The following SLC4A5 variants were observed in gnomAD, a reference collection of about 807,000 sequenced individuals.
SLC4A5 encodes solute carrier family 4 member 5.
In SLC4A5, 96 loss-of-function variants were observed where a neutral mutation model predicts 120.4. The observed-to-expected ratio is 0.80, with a 90% CI of 0.68 to 0.94. The LOEUF is 0.94. Ranked by LOEUF, SLC4A5 falls within the 40% of genes least tolerant of loss-of-function variation. The pLI is 0.00. For missense variants in SLC4A5, 1,259 were observed against 1,459.5 expected, an observed-to-expected ratio of 0.86 and a Z score of 2.24; for synonymous variants, 550 against 571.1, an observed-to-expected ratio of 0.96 and a Z score of 0.53.
intron 3 of SLC4A5, among the ~76,000 whole-genome samples, chr2:74,336,518 G>T (rs1220300649): frequency 6.6e-6 from 1 of 152,164 alleles, no homozygotes; most frequent in Admixed American, 6.5e-5. Context: ...TTTATGATGA[G>T]TATTAAATGA....
intron 5 of SLC4A5, among the ~76,000 whole-genome samples, chr2:74,316,998 C>T (rs11126430): frequency 0.35 from 53,773 of 152,134 alleles, 16,195 homozygotes; most frequent in East Asian, 0.82. Flanking sequence ...CATGGGCATG[C>T]GTAATATGCA....
chr2:74,276,601 T>G (rs748207022), intron 8 of SLC4A5, among the ~76,000 whole-genome samples: 4 of 147,802 alleles, frequency 2.7e-5, no homozygotes, highest in Non-Finnish European at 6.0e-5. Flanking sequence ...CTTGAAGAAT[T>G]CTGAAAGTTC....
intron 19 of SLC4A5, among the ~76,000 whole-genome samples, chr2:74,243,044 G>C (rs1670496366): frequency 6.6e-6 from 1 of 152,222 alleles, no homozygotes; most frequent in Non-Finnish European, 1.5e-5. Context: ...GTTGAGGAAA[G>C]TTAAACCAAA....
chr2:74,235,645 G>A (rs564836046), intron 21 of SLC4A5, among the ~76,000 whole-genome samples: 1 of 152,302 alleles, frequency 6.6e-6, no homozygotes, highest in African/African-American at 2.4e-5. Flanking sequence ...GTTCCTACAA[G>A]CCTGTGACAG....
chr2:74,250,260 T>C, intron 17 of SLC4A5, 83 bp downstream of exon 17: 1 of 1,459,326 alleles, frequency 6.9e-7, no homozygotes. Flanking sequence ...ACCTTGGTTT[T>C]GGGATTACAG....
intron 8 of SLC4A5, among the ~76,000 whole-genome samples, chr2:74,284,669 G>A (rs890144560): frequency 6.6e-6 from 1 of 152,006 alleles, no homozygotes; most frequent in African/African-American, 2.4e-5. Context: ...TTGGGCTCTT[G>A]GGAGCATTGG....
chr2:74,265,640 T>A (rs961323031), intron 8 of SLC4A5, among the ~76,000 whole-genome samples: 7 of 152,200 alleles, frequency 4.6e-5, no homozygotes, highest in Non-Finnish European at 8.8e-5. Context: ...GCTGTTTTTT[T>A]AAAAAGCCTC....
chr2:74,222,102 C>T (rs1694670419), intron 29 of SLC4A5, among the ~76,000 whole-genome samples: 1 of 152,192 alleles, frequency 6.6e-6, no homozygotes, highest in South Asian at 2.1e-4. Flanking sequence ...ACCACGAGGA[C>T]CTCCAATTAT....
In SLC4A5 at chr2:74,221,352, G is replaced by A. The variant is rs192009355; in HGVS notation, c.*33+82C>T. On this transcript the variant is annotated intron_variant, in intron 30 of 30. Transcript: ENST00000394019. ...CTTCTACTGAGAGGACAGCTAGCTTGGGAAATCCTAGACCCTCCACCTTCC... is the reference window on the plus strand; with the variant it reads ...CTTCTACTGAGAGGACAGCTAGCTTAGGAAATCCTAGACCCTCCACCTTCC... The A allele has an allele frequency of 5.6e-6, 6 of 1,063,540 alleles. No homozygotes were observed. In the East Asian group the frequency reaches 1.5e-4, roughly 27 times the overall value. The allele number at this position is 1,063,540 out of a possible 1,614,324, so 65.9% of individuals were successfully genotyped here.
At chr2:74,318,605 GAACCCAGAA>G (rs1673023174) in intron 5 of SLC4A5, among the ~76,000 whole-genome samples, 1 of 151,750 alleles carries the variant, frequency 6.6e-6, no homozygotes, top group African/African-American at 2.4e-5. Context: ...AGAATCACTT[GAACCCAGAA>G]GGCAGAGGTT....
chr2:74,231,723 G>C (rs759751245), intron 24 of SLC4A5, among the ~76,000 whole-genome samples: 1 of 152,158 alleles, frequency 6.6e-6, no homozygotes, highest in Non-Finnish European at 1.5e-5. Context: ...TCTGCCCTTT[G>C]ATTTTAAGAT....
At chr2:74,266,436 T>A (rs1671305135) in intron 8 of SLC4A5, among the ~76,000 whole-genome samples, 1 of 152,122 alleles carries the variant, frequency 6.6e-6, no homozygotes, top group Admixed American at 6.5e-5. Context: ...GCTTGGCTAA[T>A]TTTTGTATTT....
chr2:74,340,851 C>T (rs1673607479), intron 2 of SLC4A5, among the ~76,000 whole-genome samples: 1 of 152,104 alleles, frequency 6.6e-6, no homozygotes, highest in South Asian at 2.1e-4. Context: ...TTAGCAGCAC[C>T]AGAAGAGGCT....
chr2:74,254,653 A>G, exon 14 of SLC4A5: 1 of 1,614,146 alleles, frequency 6.2e-7, no homozygotes. Flanking sequence ...GGCACGGCCA[A>G]TTTCATTGTA....
chr2:74,299,836 C>T (rs1028782081), intron 7 of SLC4A5, among the ~76,000 whole-genome samples: 1 of 152,048 alleles, frequency 6.6e-6, no homozygotes, highest in African/African-American at 2.4e-5. Flanking sequence ...AAAAGTAGAA[C>T]TAGTATATGA....
At chr2:74,272,858 T>G (rs964783722) in intron 8 of SLC4A5, among the ~76,000 whole-genome samples, 1 of 152,156 alleles carries the variant, frequency 6.6e-6, no homozygotes, top group African/African-American at 2.4e-5. Flanking sequence ...CTTCCAATGC[T>G]CAAACCACAG....
chr2:74,231,206 G>A lies in SLC4A5; in HGVS notation c.2847+30C>T, dbSNP rs367544682. The A allele has an allele frequency of 5.7e-6, 9 of 1,590,534 alleles. No individual in the cohort carries two copies. In the African/African-American group the frequency reaches 8.0e-5, roughly 14 times the overall value. Reference sequence around the variant, plus strand: ...CATCCGCTCTGCTTTCTCAGGCAACGAGGCCCTAGGTGACAGTGCAGGACC... The same window carrying A: ...CATCCGCTCTGCTTTCTCAGGCAACAAGGCCCTAGGTGACAGTGCAGGACC... On this transcript the variant is annotated intron_variant, in intron 25 of 30. Transcript: ENST00000394019.
chr2:74,317,974 C>T (rs565245391), intron 5 of SLC4A5, among the ~76,000 whole-genome samples: 2 of 152,014 alleles, frequency 1.3e-5, no homozygotes, highest in South Asian at 2.1e-4. Context: ...AGAAAAAGTC[C>T]AAGGAAACAG....
chr2:74,323,284 C>T (rs1279080644), intron 5 of SLC4A5, among the ~76,000 whole-genome samples: 1 of 152,092 alleles, frequency 6.6e-6, no homozygotes, highest in Non-Finnish European at 1.5e-5. Context: ...ACCCAAAATC[C>T]AAGGGAGAAT....
Sources: gnomAD v4.1 joint callset for allele counts (sites outside exome capture counted in the v4.1 genomes callset) on GRCh38, gnomAD v4.1.1 for gene constraint, MANE v1.5 for transcripts, NCBI Gene and HGNC (gene_info 2026-07-23, HGNC 2026-07-21) for gene names.